MMP26: variants seen among roughly 807,000 people sequenced by gnomAD.
MMP26 encodes matrix metalloproteinase-26.
A neutral mutation model predicts 31.0 loss-of-function variants in MMP26; 33 were observed. The observed-to-expected ratio is 1.06, with a 90% CI of 0.81 to 1.42. The LOEUF (loss-of-function observed/expected upper bound fraction) is 1.42. Among genes scored for constraint, MMP26 ranks in the 40% most tolerant of loss-of-function variants. The pLI is 0.00. For synonymous variants in MMP26, 122 were observed against 114.9 expected (o/e 1.06, Z -0.40); for missense variants, 347 against 316.1 (o/e 1.10, Z -0.74).
Position 4,915,582 on chromosome 11 carries a change from T to C in MMP26, c.-144-72486T>C, listed in dbSNP as rs965481091. 7 of 1,613,928 alleles carry C rather than the reference T, an allele frequency of 4.3e-6. No homozygotes were observed. The African/African-American group carries it at 9.3e-5, about 22-fold the overall frequency. ...AGTGGGATGGAGATCCAGATGTGCA[T>C]GCGCTCCAGCCCAGGGATGCCACTC... On this transcript the variant is annotated intron_variant, in intron 2 of 7. Coordinates refer to ENST00000380390, the MANE Select transcript of MMP26 (RefSeq NM_021801.5).
chr11:4,909,320 GC>G (rs1417834284), intron 2 of MMP26: 2 of 152,074 alleles, frequency 1.3e-5, no homozygotes. Context: ...TTGAAGGGGG[GC>G]AAACAAGATT....
intron 2 of MMP26, among the ~76,000 whole-genome samples, chr11:4,777,199 C>A (rs965432239): frequency 5.9e-5 from 9 of 152,092 alleles, no homozygotes; most frequent in African/African-American, 2.2e-4. Context: ...TACTGAGCAC[C>A]TATGTGCCAT....
At chr11:4,882,221 G>A (rs1162310863) in intron 2 of MMP26, 1 of 1,613,916 alleles carries the variant, frequency 6.2e-7, no homozygotes. Flanking sequence ...CTTTGTGCAT[G>A]CTTTCTCCTT....
intron 2 of MMP26, among the ~76,000 whole-genome samples, chr11:4,799,474 G>A (rs1392184714): frequency 6.6e-6 from 1 of 152,108 alleles, no homozygotes; most frequent in Admixed American, 6.5e-5. Flanking sequence ...ATGAGAGATC[G>A]ACCCTCATGA....
chr11:4,824,372 C>T lies in MMP26; in HGVS notation c.-145+57031C>T, dbSNP rs1254354322. Among the ~76,000 whole-genome samples the T allele has an allele frequency of 9.2e-5, 14 of 152,170 alleles. 1 individual carries two copies. Among genetic ancestry groups the T allele is most frequent in the African/African-American group, 1.9e-4 (8 of 41,516 alleles). Reference sequence around the variant, plus strand: ...CCCATCACTCTGACAGCCATTCTAGCCTTTCTATCCTCTATAAAAATTATA... The same window carrying T: ...CCCATCACTCTGACAGCCATTCTAGTCTTTCTATCCTCTATAAAAATTATA... On this transcript the variant is annotated intron_variant, in intron 2 of 7. Transcript: ENST00000380390.
intron 2 of MMP26, among the ~76,000 whole-genome samples, chr11:4,966,814 G>A (rs577312291): frequency 6.6e-6 from 1 of 152,274 alleles, no homozygotes; most frequent in South Asian, 2.1e-4. Flanking sequence ...GGTGCAAGCT[G>A]TCAGGCCTTT....
chr11:4,723,986 T>C, intron 1 of MMP26: 1 of 723,388 alleles, frequency 1.4e-6, no homozygotes, highest in Non-Finnish European at 2.5e-6. Context: ...TCAGTGGTGA[T>C]GCCTCCCATG....
intron 1 of MMP26, among the ~76,000 whole-genome samples, chr11:4,742,678 G>A (rs185606073): frequency 5.3e-5 from 8 of 152,138 alleles, no homozygotes; most frequent in Non-Finnish European, 5.9e-5. Flanking sequence ...AAGAAGAGGA[G>A]GTGTTTGATA....
intron 2 of MMP26, among the ~76,000 whole-genome samples, chr11:4,971,637 G>T (rs1420690663): frequency 6.6e-6 from 1 of 152,096 alleles, no homozygotes; most frequent in Non-Finnish European, 1.5e-5. Context: ...GAGTAGGGAA[G>T]ATTTTGGCTT....
intron 2 of MMP26, among the ~76,000 whole-genome samples, chr11:4,773,953 T>A (rs1279175412): frequency 1.3e-5 from 2 of 152,178 alleles, no homozygotes; most frequent in African/African-American, 4.8e-5. Context: ...TCCATGTCCC[T>A]GAAAAGAACA....
chr11:4,859,116 A>AC (rs1278853119), intron 2 of MMP26, among the ~76,000 whole-genome samples: 8 of 152,144 alleles, frequency 5.3e-5, no homozygotes, highest in Non-Finnish European at 1.2e-4. Context: ...AACCATAAAA[A>AC]CCCTAGAATA....
At chr11:4,859,836 G>A (rs759280379) in intron 2 of MMP26, 18 of 471,262 alleles carry the variant, frequency 3.8e-5, no homozygotes, top group African/African-American at 3.0e-4. Flanking sequence ...TGTGAGAGAG[G>A]CATGTGCTGA....
intron 2 of MMP26, among the ~76,000 whole-genome samples, chr11:4,927,719 T>A (rs994095994): frequency 6.6e-6 from 1 of 152,140 alleles, no homozygotes; most frequent in East Asian, 1.9e-4. Context: ...TACAAGACTA[T>A]TCCGTTTAGA....
chr11:4,856,431 G>A (rs1442585692), intron 2 of MMP26, among the ~76,000 whole-genome samples: 1 of 152,168 alleles, frequency 6.6e-6, no homozygotes. Context: ...CCTAGTCTCT[G>A]ATAAAACAGA....
intron 1 of MMP26, among the ~76,000 whole-genome samples, chr11:4,725,603 T>C (rs1848088430): frequency 1.3e-5 from 2 of 152,300 alleles, no homozygotes; most frequent in Non-Finnish European, 2.9e-5. Context: ...TGCTGTTAAA[T>C]GGGGGTTCTC....
chr11:4,922,159 G>T (rs933998672), intron 2 of MMP26, among the ~76,000 whole-genome samples: 4 of 152,148 alleles, frequency 2.6e-5, no homozygotes, highest in Admixed American at 6.5e-5. Flanking sequence ...ATGAAAAAAT[G>T]ATCAACTTAA....
rs370872349 is a variant in MMP26 at position 4,961,110 on chromosome 11, C to T, written c.-144-26958C>T. ...CACCACATATAGTCACCTAAAGAGC[C>T]GAGATCTCAAGAAATTTTGTCTTCA... On this transcript the variant is annotated intron_variant, in intron 2 of 7. Coordinates refer to ENST00000380390, the MANE Select transcript of MMP26 (RefSeq NM_021801.5). Among the ~76,000 whole-genome samples the T allele has an allele frequency of 5.3e-5, 8 of 152,166 alleles. No individual in the cohort carries two copies. In the South Asian group the frequency reaches 1.2e-3, roughly 24 times the overall value.
chr11:4,717,547 C>A, intron 1 of MMP26, among the ~76,000 whole-genome samples: 1 of 149,856 alleles, frequency 6.7e-6, no homozygotes. Context: ...TTCTCAGCTA[C>A]CAGATAAAGA....
intron 1 of MMP26, among the ~76,000 whole-genome samples, chr11:4,748,376 T>G (rs1178551034): frequency 4.8e-5 from 7 of 145,924 alleles, no homozygotes; most frequent in Non-Finnish European, 7.6e-5. Flanking sequence ...GAAAGAAGAG[T>G]TGGTACCAAT....
Sources: allele counts gnomAD v4.1 joint callset (sites outside exome capture counted in the v4.1 genomes callset), GRCh38; gene constraint gnomAD v4.1.1; transcripts MANE v1.5; gene names NCBI Gene and HGNC (gene_info 2026-07-23, HGNC 2026-07-21).